The following SLC25A12 variants were observed in gnomAD, a reference collection of about 807,000 sequenced individuals.
SLC25A12 encodes solute carrier family 25 member 12.
SLC25A12 carries 32 observed loss-of-function variants against 83.3 expected under a neutral mutation model. The ratio of observed to expected loss-of-function variants is 0.38; its 90% CI spans 0.29 to 0.52. The LOEUF is 0.52. SLC25A12 is among the 20% of genes least tolerant of loss of function. The probability of loss-of-function intolerance (pLI) is 0.84; values close to 1 mark genes in which losing one functional copy is unlikely to be tolerated. For missense variants in SLC25A12, 611 were observed against 835.6 expected (o/e 0.73, Z 3.31); for synonymous variants, 267 against 291.1 (o/e 0.92, Z 0.84).
intron 13 of SLC25A12, among the ~76,000 whole-genome samples, chr2:171,799,099 T>C (rs1370746159): frequency 9.9e-5 from 15 of 152,098 alleles, no homozygotes. Flanking sequence ...AGGTGCCATC[T>C]TGGAAGCAGA....
In SLC25A12 at chr2:171,844,396, G is replaced by A; in HGVS notation, c.438C>T (p.Asn146=). The change falls in exon 5 of 18, where the codon AAC becomes AAT. Residue 146 remains asparagine (N), a synonymous_variant. Transcript: ENST00000422440. The stretch of plus-strand genomic sequence containing the variant: ...GGAGAAACTGCGTGAATTCTGTGTA[G>A]TTAAGATGCTTCTTCCGGTTATGCC... ...HFGHNRKKHL[N]YTEFTQFLQE... The A allele has an allele frequency of 1.2e-6, 2 of 1,614,044 alleles. No individual in the cohort carries two copies. The highest frequency in any genetic ancestry group is 2.2e-5 in the South Asian group (2 of 91,070).
At chr2:171,793,413 T>C (rs991195853) in intron 14 of SLC25A12, among the ~76,000 whole-genome samples, 19 of 152,166 alleles carry the variant, frequency 1.2e-4, no homozygotes, top group African/African-American at 3.6e-4. Context: ...GCCTCCTTGC[T>C]GGCAGTTTCA....
At chr2:171,873,231 G>A (rs563601503) in intron 2 of SLC25A12, among the ~76,000 whole-genome samples, 3 of 152,130 alleles carry the variant, frequency 2.0e-5, no homozygotes, top group East Asian at 3.9e-4. Context: ...GGCAGATCAC[G>A]AGGTCAGGAG....
At position 171,797,993 on chromosome 2, in the gene SLC25A12, AAG is replaced by A. The variant is rs1164150861; in HGVS notation, c.1306-4228_1306-4227del. Among the ~76,000 whole-genome samples the A allele has an allele frequency of 5.9e-5, 9 of 152,290 alleles. No homozygotes were observed. The East Asian group carries it at 1.7e-3, about 29-fold the overall frequency. On this transcript the variant is annotated intron_variant, in intron 13 of 17. Coordinates refer to ENST00000422440, the MANE Select transcript of SLC25A12 (RefSeq NM_003705.5). ...CTTAAATTTCCCGCCTATTTTTTAA[AAG>A]AGATACAAACATTAATACTAAAACA...
chr2:171,861,850 A>G (rs1422241791), intron 3 of SLC25A12, among the ~76,000 whole-genome samples: 1 of 152,078 alleles, frequency 6.6e-6, no homozygotes, highest in Non-Finnish European at 1.5e-5. Context: ...ATTAGTTCAC[A>G]CTCTATTAGT....
chr2:171,890,860 T>A (rs898669843), intron 2 of SLC25A12, among the ~76,000 whole-genome samples: 2 of 152,168 alleles, frequency 1.3e-5, no homozygotes, highest in African/African-American at 4.8e-5. Flanking sequence ...TATCTATCAA[T>A]AATGCTTGTG....
At chr2:171,798,663 T>G (rs1231016844) in intron 13 of SLC25A12, among the ~76,000 whole-genome samples, 2 of 152,180 alleles carry the variant, frequency 1.3e-5, no homozygotes, top group African/African-American at 4.8e-5. Flanking sequence ...GACTCAGCCT[T>G]GCACACCACC....
intron 9 of SLC25A12, among the ~76,000 whole-genome samples, chr2:171,820,675 C>T (rs74173119): frequency 0.25 from 34,422 of 139,210 alleles, 5,657 homozygotes; most frequent in Middle Eastern, 0.37. Context: ...TTGCAGTGAG[C>T]CGAGATCCCG....
intron 5 of SLC25A12, among the ~76,000 whole-genome samples, chr2:171,844,032 G>A (rs1223876945): frequency 1.3e-5 from 2 of 152,042 alleles, no homozygotes; most frequent in African/African-American, 2.4e-5. Context: ...TGATCTGCCC[G>A]CCTCGGCCTC....
chr2:171,847,583 CT>C lies in SLC25A12; in HGVS notation c.326-3076del, dbSNP rs199794922. ...CATCTTTCCAGTGGCAAACAAGGAT[CT>C]TTTTTTTGCCATGTTTAAGAATGCT... On this transcript the variant is annotated intron_variant, in intron 4 of 17. Transcript: ENST00000422440. Among the ~76,000 whole-genome samples, 4 of 151,960 alleles carry C rather than the reference CT, an allele frequency of 2.6e-5. No individual in the cohort carries two copies. In the East Asian group the frequency reaches 5.8e-4, roughly 22 times the overall value.
intron 13 of SLC25A12, among the ~76,000 whole-genome samples, chr2:171,801,913 G>A (rs1284972061): frequency 1.6e-5 from 1 of 60,884 alleles, no homozygotes; most frequent in African/African-American, 7.7e-5. Flanking sequence ...GGATCTGTGT[G>A]TGTGTGTGTG....
chr2:171,832,114 T>C (rs1022882893), intron 8 of SLC25A12, among the ~76,000 whole-genome samples: 9 of 152,198 alleles, frequency 5.9e-5, no homozygotes, highest in African/African-American at 1.7e-4. Context: ...AAACCATTCC[T>C]AGTTCAAGGC....
chr2:171,836,959 T>TGC (rs1558925531), intron 6 of SLC25A12, among the ~76,000 whole-genome samples, 162 bp downstream of exon 6: 1 of 139,238 alleles, frequency 7.2e-6, no homozygotes, highest in Non-Finnish European at 1.6e-5. Flanking sequence ...CACACACACA[T>TGC]GCACACACAC....
rs199558269 is a variant in SLC25A12, at chr2:171,886,447, GT to G, written c.66+6757del. ...GGGGTTTTGCCACGTTGCCTAGGCT[GT>G]TTTTTTTTTTTTTCTTTTTTGAGGA... On this transcript the variant is annotated intron_variant, in intron 2 of 17. Coordinates refer to ENST00000422440, the MANE Select transcript of SLC25A12 (RefSeq NM_003705.5). Among the ~76,000 whole-genome samples the G allele has an allele frequency of 0.047, 6,290 of 132,626 alleles. 712 individuals carry two copies. In the East Asian group the frequency reaches 0.52, roughly 11 times the overall value. 87.0% of individuals were successfully genotyped at this position (132,626 alleles called of 152,430 possible). A position where few individuals can be genotyped will look rare whatever the true frequency, so the allele number is the denominator to read the frequency against.
At chr2:171,803,653 G>T (rs1683759541) in intron 13 of SLC25A12, among the ~76,000 whole-genome samples, 1 of 152,168 alleles carries the variant, frequency 6.6e-6, no homozygotes, top group Non-Finnish European at 1.5e-5. Context: ...GTGCATGATG[G>T]CACATGCCTG....
rs757028288 is a variant in SLC25A12 at position 171,810,295 on chromosome 2, TCATCAGCAATATAGCTGTAC to T, written c.1172-39_1172-20del. ...ATCAGACCTAGGTAAAGGGACAGAA[TCATCAGCAATATAGCTGTAC>T]CAGACATGAATACACAAGCCCAGCA... is the stretch of plus-strand genomic sequence containing the variant. On this transcript the variant is annotated intron_variant, in intron 11 of 17. Transcript: ENST00000422440. The T allele has an allele frequency of 1.2e-5, 20 of 1,605,774 alleles. No individual in the cohort carries two copies. The highest frequency in any genetic ancestry group is 1.7e-5 in the Non-Finnish European group (20 of 1,172,500).
At position 171,810,075 on chromosome 2, in the gene SLC25A12, G is replaced by A. The variant is rs1415668469; in HGVS notation, c.1224+149C>T. On this transcript the variant is annotated intron_variant, in intron 12 of 17. Coordinates refer to ENST00000422440, the MANE Select transcript of SLC25A12 (RefSeq NM_003705.5). ...AGAGCTGAGTTCTTACTATGCTTATGCTGGTTTAGAACTGGTCTCAAGTGA... is the reference window on the plus strand; with the variant it reads ...AGAGCTGAGTTCTTACTATGCTTATACTGGTTTAGAACTGGTCTCAAGTGA... 6.3e-5 allele frequency: 44 copies of A among 693,916 alleles called. No individual in the cohort carries two copies. In the Admixed American group the frequency reaches 9.2e-4, roughly 14 times the overall value. The allele number at this position is 693,916 out of a possible 1,614,324, so 43.0% of individuals were successfully genotyped here.
chr2:171,843,604 C>G (rs1684728157), intron 5 of SLC25A12, among the ~76,000 whole-genome samples: 2 of 151,952 alleles, frequency 1.3e-5, no homozygotes, highest in Non-Finnish European at 2.9e-5. Context: ...TGCACTCCAG[C>G]CTGAGCAACA....
chr2:171,829,153 A>T (rs1410600865), intron 8 of SLC25A12, among the ~76,000 whole-genome samples: 1 of 152,080 alleles, frequency 6.6e-6, no homozygotes, highest in East Asian at 1.9e-4. Context: ...AAAACATCTG[A>T]TTTTTTTTAA....
Sources: allele counts gnomAD v4.1 joint callset (sites outside exome capture counted in the v4.1 genomes callset), GRCh38; gene constraint gnomAD v4.1.1; transcripts MANE v1.5; gene names NCBI Gene and HGNC (gene_info 2026-07-23, HGNC 2026-07-21).